Variants in ARHGAP21 observed in about 807,000 individuals in gnomAD.
ARHGAP21 encodes the protein rho GTPase-activating protein 21.
In ARHGAP21, 38 loss-of-function variants were observed where a neutral mutation model predicts 164.6. The observed-to-expected ratio is 0.23, with a 90% confidence interval of 0.18 to 0.30. ARHGAP21 has a LOEUF of 0.30. Ranked by LOEUF, ARHGAP21 falls within the 10% of genes least tolerant of loss-of-function variation. ARHGAP21 has a pLI of 1.00. For synonymous variants in ARHGAP21, 766 were observed against 857.9 expected (o/e 0.89, Z 1.87); for missense variants, 1,822 against 2,370.7 (o/e 0.77, Z 4.81).
intron 21 of ARHGAP21, among the ~76,000 whole-genome samples, chr10:24,592,950 C>A (rs1163997733): frequency 6.6e-6 from 1 of 152,026 alleles, no homozygotes; most frequent in African/African-American, 2.4e-5. Flanking sequence ...ATTTGGTATT[C>A]CTTGTATAAT....
chr10:24,686,144 A>G (rs1227999151), intron 2 of ARHGAP21, among the ~76,000 whole-genome samples: 1 of 152,008 alleles, frequency 6.6e-6, no homozygotes, highest in East Asian at 1.9e-4. Flanking sequence ...ATTGGAAACT[A>G]CTTAGGCCGG....
rs369268102 is a variant in ARHGAP21 at position 24,584,531 on chromosome 10, G to T, written c.5758C>A (p.Gln1920Lys). The change falls in exon 26 of 26, where the codon CAA becomes AAA. Residue 1920 changes from glutamine (Q) to lysine (K), a missense_variant. Around this residue, in one of 5 missense-constraint regions of ARHGAP21, gnomAD observed 165 missense variants for 176.6 expected, o/e 0.93. Transcript: ENST00000396432. ...LLSIPPQSPDQINGESFQNVS... is the reference protein window; with the variant it reads ...LLSIPPQSPDKINGESFQNVS... ...TTCTGGAAGCTTTCTCCGTTTATTTGGTCAGGTGACTGTGGTGGTATGGAA... is the reference window on the plus strand; with the variant it reads ...TTCTGGAAGCTTTCTCCGTTTATTTTGTCAGGTGACTGTGGTGGTATGGAA... 1.2e-6 allele frequency: 2 copies of T among 1,613,814 alleles called. No homozygotes were observed. The highest frequency in any genetic ancestry group is 1.3e-5 in the African/African-American group (1 of 74,902).
chr10:24,620,184 G>T lies in ARHGAP21; in HGVS notation c.1711C>A (p.Arg571=). 6.2e-7 allele frequency: 1 copy of T among 1,613,774 alleles called. No homozygotes were observed. The highest frequency in any genetic ancestry group is 1.1e-5 in the South Asian group (1 of 91,052). The part of the protein sequence containing the change: ...APSVVNSDNR[R]MSGRGVGSVS... ...GATCCCACTCCTCTACCACTCATTC[G>T]CCTGTTATCAGAATTAACAACGCTT... The change falls in exon 9 of 26, where the codon CGA becomes AGA. Residue 571 remains arginine, a synonymous_variant. Transcript: ENST00000396432.
At chr10:24,654,530 G>T (rs1219568689) in intron 4 of ARHGAP21, among the ~76,000 whole-genome samples, 1 of 152,138 alleles carries the variant, frequency 6.6e-6, no homozygotes, top group Non-Finnish European at 1.5e-5. Flanking sequence ...TTGTTTCAAA[G>T]AGAATAAAAT....
intron 4 of ARHGAP21, among the ~76,000 whole-genome samples, chr10:24,635,509 G>C (rs535802103): frequency 6.6e-6 from 1 of 152,062 alleles, no homozygotes; most frequent in Non-Finnish European, 1.5e-5. Flanking sequence ...TTACACAGGC[G>C]GTACTCACTC....
In ARHGAP21 at chr10:24,607,773, T is replaced by C. The variant is rs762619423; in HGVS notation, c.2553A>G (p.Leu851=). 1 of 1,613,786 alleles carries C rather than the reference T, an allele frequency of 6.2e-7. No individual in the cohort carries two copies. Among genetic ancestry groups the C allele is most frequent in the Non-Finnish European group, 8.5e-7 (1 of 1,179,968 alleles). Residue 851 remains leucine, a synonymous_variant, in exon 10 of 26, where the codon TTA becomes TTG. Transcript: ENST00000396432. ...GGTCATGTGAGAGCTGACGGCGAATTAATGGAGCTGAAGTTGTGAGGCAAG... is the reference window on the plus strand; with the variant it reads ...GGTCATGTGAGAGCTGACGGCGAATCAATGGAGCTGAAGTTGTGAGGCAAG... The part of the protein sequence containing the change: ...VPPCLTTSAP[L]IRRQLSHDHE...
chr10:24,622,492 G>C (rs1369745362), intron 8 of ARHGAP21, among the ~76,000 whole-genome samples: 4 of 108,278 alleles, frequency 3.7e-5, no homozygotes, highest in Non-Finnish European at 7.8e-5. Flanking sequence ...ATATACTGAT[G>C]CAGATAAATA....
intron 4 of ARHGAP21, among the ~76,000 whole-genome samples, chr10:24,639,919 C>CCA (rs1554982868): frequency 2.7e-5 from 4 of 148,904 alleles, no homozygotes; most frequent in African/African-American, 9.8e-5. Context: ...ATTAAGTATA[C>CCA]AAAAAAAAAC....
At chr10:24,600,156 C>T (rs999084984) in intron 14 of ARHGAP21, among the ~76,000 whole-genome samples, 3 of 107,480 alleles carry the variant, frequency 2.8e-5, no homozygotes, top group African/African-American at 1.0e-4. Flanking sequence ...AAAAAGCTGA[C>T]TTATGATTTT....
chr10:24,702,074 A>G (rs1177151333), intron 2 of ARHGAP21, among the ~76,000 whole-genome samples: 2 of 151,764 alleles, frequency 1.3e-5, no homozygotes, highest in Non-Finnish European at 2.9e-5. Flanking sequence ...CACTGATTAG[A>G]ACATTTGAAA....
At chr10:24,676,985 T>C (rs1406074592) in intron 2 of ARHGAP21, among the ~76,000 whole-genome samples, 1 of 152,074 alleles carries the variant, frequency 6.6e-6, no homozygotes, top group Non-Finnish European at 1.5e-5. Flanking sequence ...AGGCAGATTA[T>C]GAGGTCAGGA....
At chr10:24,615,172 G>A (rs1014561439) in intron 9 of ARHGAP21, among the ~76,000 whole-genome samples, 5 of 152,132 alleles carry the variant, frequency 3.3e-5, no homozygotes, top group African/African-American at 9.7e-5. Context: ...TTTAGGCAAC[G>A]AAAGTGAAAT....
intron 4 of ARHGAP21, among the ~76,000 whole-genome samples, chr10:24,653,522 G>A (rs1029913822): frequency 6.6e-6 from 1 of 151,812 alleles, no homozygotes; most frequent in African/African-American, 2.4e-5. Flanking sequence ...GCAGTGAGCT[G>A]AGATCGCGCC....
chr10:24,648,892 A>G, intron 4 of ARHGAP21: 1 of 984,060 alleles, frequency 1.0e-6, no homozygotes, highest in Non-Finnish European at 1.2e-6. Context: ...GTCAGTCAGA[A>G]GACAACCCTG....
intron 2 of ARHGAP21, among the ~76,000 whole-genome samples, chr10:24,701,220 T>G (rs1448463014): frequency 6.6e-6 from 1 of 152,162 alleles, no homozygotes; most frequent in African/African-American, 2.4e-5. Flanking sequence ...TCTTTCCCTC[T>G]TCCATTTGGT....
intron 4 of ARHGAP21, chr10:24,648,912 T>C: frequency 1.1e-6 from 1 of 939,858 alleles, no homozygotes; most frequent in Non-Finnish European, 1.3e-6. Context: ...GGAGACCTCC[T>C]TTCCCATATT....
intron 7 of ARHGAP21, chr10:24,628,959 T>C (rs1457456938): frequency 7.4e-5 from 1 of 13,432 alleles, no homozygotes; most frequent in African/African-American, 4.2e-4. Context: ...ACACTATATA[T>C]ATATATATAT....
chr10:24,634,533 C>T (rs1836178400), intron 5 of ARHGAP21, among the ~76,000 whole-genome samples: 1 of 152,218 alleles, frequency 6.6e-6, no homozygotes. Flanking sequence ...AATTAAGCCA[C>T]ATATACTGAC....
In ARHGAP21 at chr10:24,595,788, C is replaced by T. The variant is rs894882365; in HGVS notation, c.3641G>A (p.Arg1214Gln). 23 of 1,613,384 alleles carry T rather than the reference C, an allele frequency of 1.4e-5. No individual in the cohort carries two copies. The highest frequency in any genetic ancestry group is 1.9e-5 in the Non-Finnish European group (22 of 1,179,736). Residue 1214 changes from arginine to glutamine, a missense_variant, in exon 19 of 26, where the codon CGA (arginine) becomes CAA (glutamine). Coordinates refer to ENST00000396432, the MANE Select transcript of ARHGAP21 (RefSeq NM_020824.4). The stretch of plus-strand genomic sequence containing the variant: ...TAAACTGCTTATCACATTCAAATCT[C>T]GCCATTTCTAGGTGTACAAAATAGA... ...ADIDIQDDKWRDLNVISSLLK... is the reference protein window; with the variant it reads ...ADIDIQDDKWQDLNVISSLLK...
Sources: gnomAD v4.1 joint callset for allele counts (sites outside exome capture counted in the v4.1 genomes callset) on GRCh38, gnomAD v4.1.1 for gene constraint, gnomAD v4.1.1 regional missense constraint, MANE v1.5 for transcripts, NCBI Gene and HGNC (gene_info 2026-07-23, HGNC 2026-07-21) for gene names.